Variants in MRPL11 observed in about 807,000 individuals in gnomAD.
MRPL11 encodes the protein large ribosomal subunit protein uL11m.
Under a neutral mutation model 19.1 loss-of-function variants are expected in MRPL11, and 21 were observed. The ratio of observed to expected loss-of-function variants is 1.10; its 90% CI spans 0.78 to 1.58. MRPL11 has a LOEUF of 1.58. Ranked by LOEUF, MRPL11 falls within the 40% of genes most tolerant of loss-of-function variation. The pLI is 0.00. For missense variants in MRPL11, 242 were observed against 243.9 expected (o/e 0.99, Z 0.05); for synonymous variants, 108 against 99.7 (o/e 1.08, Z -0.49).
At chr11:66,436,894 A>G in intron 4 of MRPL11, 1 of 1,614,060 alleles carries the variant, frequency 6.2e-7, no homozygotes, top group East Asian at 2.2e-5. Context: ...TTCTTAGAAC[A>G]TTTGCAGAAC....
intron 1 of MRPL11, 54 bp downstream of exon 1, chr11:66,438,578 C>T: frequency 1.3e-6 from 2 of 1,487,572 alleles, no homozygotes; most frequent in South Asian, 2.8e-5. Context: ...CATCCGCGTC[C>T]TAGCTTCCAC....
chr11:66,437,318 C>T lies in MRPL11; in HGVS notation c.313+32G>A, dbSNP rs556082946. 1.9e-6 allele frequency: 3 copies of T among 1,614,142 alleles called. No homozygotes were observed. In the Admixed American group the frequency reaches 5.0e-5, roughly 27 times the overall value. On this transcript the variant is annotated intron_variant, in intron 3 of 4. Transcript: ENST00000310999. ...GTGTTACTGCTTCCTTCTGGAGCCC[C>T]CAGAATCTCAGATGCTTACCCTGGC...
Position 66,437,360 on chromosome 11 carries a change from G to C in MRPL11, c.303C>G (p.Ala101=). 6.2e-7 allele frequency: 1 copy of C among 1,614,132 alleles called. No homozygotes were observed. The highest frequency in any genetic ancestry group is 8.5e-7 in the Non-Finnish European group (1 of 1,180,018). Residue 101 remains alanine (A), a synonymous_variant, in exon 3 of 5, where the codon GCC becomes GCG. Transcript: ENST00000310999. ...LKAAAGIEKG[A]RQTGKEVAGL... is the part of the protein sequence containing the mutation. ...TACCCTGGCCCTCACCTGTTTGCCG[G>C]GCCCCCTTTTCAATCCCAGCTGCTG...
chr11:66,438,374 C>A, intron 1 of MRPL11, 115 bp from the exon 2 acceptor site: 1 of 960,304 alleles, frequency 1.0e-6, no homozygotes, highest in South Asian at 1.4e-5. Context: ...CATCTGTACC[C>A]AGATTCAACT....
Position 66,436,115 on chromosome 11 carries a change from G to T in MRPL11, c.474-3C>A, listed in dbSNP as rs1412263744. The stretch of plus-strand genomic sequence containing the variant: ...CTGCAAGCTCTTCTGAACTGAGGCT[G>T]CAAGTGAAAAAAGACAAATGGTTGG... On this transcript the variant is annotated splice_region_variant and splice_polypyrimidine_tract_variant and intron_variant, in intron 4 of 4. Transcript: ENST00000310999. 6.2e-7 allele frequency: 1 copy of T among 1,612,600 alleles called. No individual in the cohort carries two copies. Among genetic ancestry groups the T allele is most frequent in the Admixed American group, 1.7e-5 (1 of 59,946 alleles).
chr11:66,436,422 C>T (rs551067942), intron 4 of MRPL11, among the ~76,000 whole-genome samples: 2 of 152,184 alleles, frequency 1.3e-5, no homozygotes, highest in East Asian at 1.9e-4. Flanking sequence ...TGTACAATGA[C>T]GTCACGGGGC....
chr11:66,438,532 A>G (rs1857034731), intron 1 of MRPL11, 100 bp downstream of exon 1: 1 of 1,445,748 alleles, frequency 6.9e-7, no homozygotes, highest in African/African-American at 1.4e-5. Flanking sequence ...CCGAGCTCTG[A>G]ACCGAGGCCC....
chr11:66,436,921 C>G, intron 4 of MRPL11, 183 bp downstream of exon 4: 2 of 1,609,840 alleles, frequency 1.2e-6, no homozygotes, highest in Non-Finnish European at 8.5e-7. Context: ...TAATACATAA[C>G]AGGTGCCCAA....
In MRPL11 at chr11:66,437,226, C is replaced by G. The variant is rs1051130630; in HGVS notation, c.351G>C (p.Val117=). The G allele has an allele frequency of 2.5e-6, 4 of 1,614,102 alleles. No homozygotes were observed. The highest frequency in any genetic ancestry group is 1.3e-5 in the African/African-American group (1 of 74,936). ...GAGCTTTGATGCGGGCAATCTCATA[C>G]ACATGCTTCAAGGTCACCAGGCCTG... is the stretch of plus-strand genomic sequence containing the variant. ...EVAGLVTLKH[V]YEIARIKAQD... Residue 117 remains valine (V), a synonymous_variant, in exon 4 of 5, where the codon GTG becomes GTC. Transcript: ENST00000310999.
Position 66,438,212 on chromosome 11 carries a change from T to C in MRPL11, c.171A>G (p.Thr57=). The change falls in exon 2 of 5, where the codon ACA becomes ACG. Residue 57 remains threonine, a synonymous_variant. Transcript: ENST00000310999. Reference sequence around the variant, plus strand: ...GAGGAATGCCTTCCTTGATGTCCTTTGTCCTCTCATTGAACTCCTTGCAAA... The same window carrying C: ...GAGGAATGCCTTCCTTGATGTCCTTCGTCCTCTCATTGAACTCCTTGCAAA... The part of the protein sequence containing the change: ...NQFCKEFNER[T]KDIKEGIPLP... 2 of 1,614,094 alleles carry C rather than the reference T, an allele frequency of 1.2e-6. No homozygotes were observed. Among genetic ancestry groups the C allele is most frequent in the Non-Finnish European group, 1.7e-6 (2 of 1,179,948 alleles).
chr11:66,436,020 G>T lies in MRPL11; in HGVS notation c.566C>A (p.Ala189Asp). The change falls in exon 5 of 5, where the codon GCT becomes GAT. Residue 189 changes from alanine (A) to aspartate (D), a missense_variant. Transcript: ENST00000310999. Reference sequence around the variant, plus strand: ...GTGGGGCAAGGGTCACTTCTTGGCAGCTTCTTCTTGGGCAGCCAAATCTGC... The same window carrying T: ...GTGGGGCAAGGGTCACTTCTTGGCATCTTCTTCTTGGGCAGCCAAATCTGC... ...KEADLAAQEE[A>D]AKK 1 of 1,613,530 alleles carries T rather than the reference G, an allele frequency of 6.2e-7. No homozygotes were observed. The highest frequency in any genetic ancestry group is 1.1e-5 in the South Asian group (1 of 90,848).
At position 66,438,750 on chromosome 11, in the gene MRPL11, G is replaced by T; in HGVS notation, c.5C>A (p.Ser2Ter). 6.4e-7 allele frequency: 1 copy of T among 1,561,702 alleles called. No homozygotes were observed. The highest frequency in any genetic ancestry group is 1.2e-5 in the South Asian group (1 of 86,066). The part of the protein sequence containing the change: M[S>*]KLGRAARGLR... ...GCCCCGGGCGGCCCGGCCGAGCTTT[G>T]ACATGATGCGGGGCTGCTGGCTTCA... Residue 2 changes from serine (S) to a stop codon, truncating the protein, a stop_gained, in exon 1 of 5, where the codon TCA (serine) becomes TAA (stop). Transcript: ENST00000310999. LOFTEE classifies it high-confidence loss of function.
chr11:66,436,974 C>T, intron 4 of MRPL11, 130 bp downstream of exon 4: 1 of 1,553,654 alleles, frequency 6.4e-7, no homozygotes, highest in Admixed American at 1.7e-5. Flanking sequence ...CCACCCCCAC[C>T]CCATCCTCTA....
rs933516820 is a variant in MRPL11, at chr11:66,438,505, G to A, written c.123+127C>T. The A allele has an allele frequency of 3.1e-6, 4 of 1,283,404 alleles. No individual in the cohort carries two copies. In the East Asian group the frequency reaches 9.4e-5, roughly 30 times the overall value. 79.5% of individuals were successfully genotyped at this position (1,283,404 alleles called of 1,614,324 possible). On this transcript the variant is annotated intron_variant, in intron 1 of 4. Coordinates refer to ENST00000310999, the MANE Select transcript of MRPL11 (RefSeq NM_016050.5). ...TTTGTAACCAGCACAAGGACATAAA[G>A]CGTGTGAGAAGCAGAGCCGAGCTCT...
rs370779247 is a variant in MRPL11, at chr11:66,438,743, G to T, written c.12C>A (p.Leu4=). Residue 4 remains leucine (L), a synonymous_variant, in exon 1 of 5, where the codon CTC becomes CTA. Transcript: ENST00000310999. MSK[L]GRAARGLRKP... ...TCCTGAGGCCCCGGGCGGCCCGGCC[G>T]AGCTTTGACATGATGCGGGGCTGCT... The T allele has an allele frequency of 3.2e-5, 50 of 1,567,572 alleles. No homozygotes were observed. The African/African-American group carries it at 6.7e-4, about 21-fold the overall frequency.
At position 66,437,412 on chromosome 11, in the gene MRPL11, T is replaced by G. The variant is rs1857004470; in HGVS notation, c.251A>C (p.Gln84Pro). 7 of 1,614,214 alleles carry G rather than the reference T, an allele frequency of 4.3e-6. No individual in the cohort carries two copies. The highest frequency in any genetic ancestry group is 5.9e-6 in the Non-Finnish European group (7 of 1,180,040). Reference protein sequence around the residue: ...PDRTFEIKIGQPTVSYFLKAA... With the variant: ...PDRTFEIKIGPPTVSYFLKAA... ...CTTCAGGAAGTAGGAAACAGTGGGC[T>G]GTCCAATCTTAATTTCAAATGTCCT... Residue 84 changes from glutamine (Q) to proline (P), a missense_variant, in exon 3 of 5, where the codon CAG becomes CCG. Gln to Pro is a moderately conservative substitution (Grantham distance 76, BLOSUM62 -1). Coordinates refer to ENST00000310999, the MANE Select transcript of MRPL11 (RefSeq NM_016050.5).
Position 66,438,160 on chromosome 11 carries a change from C to T in MRPL11, c.219+4G>A. The T allele has an allele frequency of 6.2e-7, 1 of 1,605,886 alleles. No individual in the cohort carries two copies. The highest frequency in any genetic ancestry group is 8.5e-7 in the Non-Finnish European group (1 of 1,172,470). On this transcript the variant is annotated splice_donor_region_variant and intron_variant, in intron 2 of 4. Transcript: ENST00000310999. The stretch of plus-strand genomic sequence containing the variant: ...GAAACCAGGGATCAGAGTCCAGACT[C>T]CACCTTCACTAAAATCTTGGTAGGC...
chr11:66,438,799 A>T lies in MRPL11; in HGVS notation c.-45T>A. On this transcript the variant is annotated 5_prime_UTR_variant, in exon 1 of 5. Coordinates refer to ENST00000310999, the MANE Select transcript of MRPL11 (RefSeq NM_016050.5). ...CAGTTCACCTCAGGGGAGCAGCAAG[A>T]GCGAAGCTCTGGGCGCCACCATCTT... 1 of 1,442,720 alleles carries T rather than the reference A, an allele frequency of 6.9e-7. No individual in the cohort carries two copies. Among genetic ancestry groups the T allele is most frequent in the Non-Finnish European group, 9.2e-7 (1 of 1,090,976 alleles). The allele number at this position is 1,442,720 out of a possible 1,614,324, so 89.4% of individuals were successfully genotyped here.
chr11:66,436,907 C>A (rs527261673), intron 4 of MRPL11, 197 bp downstream of exon 4: 3 of 1,613,470 alleles, frequency 1.9e-6, no homozygotes, highest in Non-Finnish European at 2.5e-6. Context: ...TGCAGAACAA[C>A]GTCTAATACA....
Sources: gnomAD v4.1 joint callset for allele counts (sites outside exome capture counted in the v4.1 genomes callset) on GRCh38, gnomAD v4.1.1 for gene constraint, MANE v1.5 for transcripts, NCBI Gene and HGNC (gene_info 2026-07-23, HGNC 2026-07-21) for gene names.